Variants in NIN observed in about 807,000 individuals in gnomAD.
NIN encodes ninein, also known as glycogen synthase kinase 3 beta-interacting protein.
In NIN, 137 loss-of-function variants were observed where a neutral mutation model predicts 257.6. The ratio of observed to expected loss-of-function variants is 0.53; its 90% confidence interval spans 0.46 to 0.61. The LOEUF is 0.61. NIN is among the 20% of genes least tolerant of loss of function. The pLI, the probability that NIN is intolerant of heterozygous loss-of-function variation, is 0.00. For synonymous variants in NIN, 918 were observed against 919.8 expected (o/e 1.00, Z 0.04); for missense variants, 2,439 against 2,501.2 (o/e 0.98, Z 0.53).
rs2042032141 is a variant in NIN at position 50,756,481 on chromosome 14, A to C, written c.4538+11T>G. 6.3e-7 allele frequency: 1 copy of C among 1,580,544 alleles called. No homozygotes were observed. Among genetic ancestry groups the C allele is most frequent in the East Asian group, 2.2e-5 (1 of 44,818 alleles). ...GTGGGATTCGTGACGTCTAGAAGGTACATACATTACCTCAGAAGTTCAACT... is the reference window on the plus strand; with the variant it reads ...GTGGGATTCGTGACGTCTAGAAGGTCCATACATTACCTCAGAAGTTCAACT... On this transcript the variant is annotated intron_variant, in intron 18 of 30. Transcript: ENST00000530997.
chr14:50,730,958 T>C (rs1283131241), intron 28 of NIN: 1 of 1,347,938 alleles, frequency 7.4e-7, no homozygotes, highest in Non-Finnish European at 9.8e-7. Context: ...ACTGCACCCT[T>C]CTCTGCTACT....
At chr14:50,819,156 A>G (rs1359277952) in intron 3 of NIN, among the ~76,000 whole-genome samples, 1 of 152,260 alleles carries the variant, frequency 6.6e-6, no homozygotes, top group Non-Finnish European at 1.5e-5. Context: ...TATATTCACT[A>G]AGATTTAAAA....
chr14:50,792,652 T>C, intron 5 of NIN, 60 bp downstream of exon 5: 1 of 1,588,648 alleles, frequency 6.3e-7, no homozygotes, highest in Non-Finnish European at 8.6e-7. Flanking sequence ...GTCTCTGTGC[T>C]GCACTGACGT....
chr14:50,772,450 G>A lies in NIN; in HGVS notation c.832C>T (p.Arg278Ter), dbSNP rs2042772855. ...LSMQSFDESG[R>*]RTTTSSAMTS... Reference sequence around the variant, plus strand: ...ATTGCTGATGAGGTTGTGGTACGTCGTCCACTCTCATCGAAAGACTGGAAG... The same window carrying A: ...ATTGCTGATGAGGTTGTGGTACGTCATCCACTCTCATCGAAAGACTGGAAG... Residue 278 changes from arginine (R) to a stop codon, truncating the protein, a stop_gained, in exon 9 of 31, where the codon CGA becomes TGA. Transcript: ENST00000530997. LOFTEE classifies it high-confidence loss of function. 4 of 1,613,938 alleles carry A rather than the reference G, an allele frequency of 2.5e-6. No individual in the cohort carries two copies. Among genetic ancestry groups the A allele is most frequent in the South Asian group, 1.1e-5 (1 of 91,070 alleles).
chr14:50,731,841 A>T (rs911222867), intron 28 of NIN, among the ~76,000 whole-genome samples: 1 of 152,094 alleles, frequency 6.6e-6, no homozygotes, highest in Non-Finnish European at 1.5e-5. Flanking sequence ...AATAAATAAA[A>T]AAGATTATTC....
At chr14:50,775,897 AC>A (rs2042904972) in intron 7 of NIN, among the ~76,000 whole-genome samples, 1 of 152,188 alleles carries the variant, frequency 6.6e-6, no homozygotes, top group Non-Finnish European at 1.5e-5. Context: ...ACAAAGGTAA[AC>A]AAAGGGTATA....
Position 50,719,839 on chromosome 14 carries a change from T to C in NIN, c.*3624A>G, listed in dbSNP as rs573433133. 2.5e-5 allele frequency: 5 copies of C among 199,008 alleles called. No individual in the cohort carries two copies. The South Asian group carries it at 7.7e-4, about 30-fold the overall frequency. The allele number at this position is 199,008 out of a possible 1,614,324, so 12.3% of individuals were successfully genotyped here. A position where few individuals can be genotyped will look rare whatever the true frequency, so the allele number is the denominator to read the frequency against. On this transcript the variant is annotated 3_prime_UTR_variant, in exon 31 of 31. Coordinates refer to ENST00000530997, the MANE Select transcript of NIN (RefSeq NM_020921.4). ...AGGCATGTTTGCAAAATTATTTATT[T>C]ACATCTTAAGCTCACATTAAAATCT...
At chr14:50,772,524 G>T in intron 8 of NIN, 56 bp from the exon 9 acceptor site, 1 of 1,553,146 alleles carries the variant, frequency 6.4e-7, no homozygotes, top group Non-Finnish European at 8.9e-7. Context: ...ATTTCAACAA[G>T]ATATTGGTCA....
chr14:50,759,200 GCCTGGAATCCAGTTTATTAATAGCTTT>G (rs1187187114), intron 17 of NIN, among the ~76,000 whole-genome samples: 1 of 152,192 alleles, frequency 6.6e-6, no homozygotes, highest in Non-Finnish European at 1.5e-5. Flanking sequence ...ATGTAACCTT[GCCTGGAATCCAGTTTATTAATAGCTTT>G]TCTCAGAAAG....
chr14:50,808,404 T>A (rs2044429464), intron 3 of NIN, among the ~76,000 whole-genome samples: 1 of 152,154 alleles, frequency 6.6e-6, no homozygotes, highest in Non-Finnish European at 1.5e-5. Context: ...TTCTACAGAA[T>A]CATTCATTCT....
chr14:50,732,270 A>T (rs955244759), intron 28 of NIN, among the ~76,000 whole-genome samples: 2 of 152,138 alleles, frequency 1.3e-5, no homozygotes, highest in Admixed American at 6.5e-5. Context: ...CTGAATCCAG[A>T]GATTCTGATA....
At chr14:50,769,893 T>C (rs1302641311) in intron 12 of NIN, among the ~76,000 whole-genome samples, 1 of 148,366 alleles carries the variant, frequency 6.7e-6, no homozygotes. Flanking sequence ...TGGTAAGTTA[T>C]AACTGCACCG....
In NIN at chr14:50,758,207, C is replaced by A; in HGVS notation, c.2823G>T (p.Lys941Asn). The change falls in exon 18 of 31, where the codon AAG becomes AAT. Residue 941 changes from lysine (K) to asparagine (N), a missense_variant. Physicochemically the swap from Lys to Asn is moderately conservative, Grantham distance 94 (BLOSUM62 0). Around this residue, in one of 3 missense-constraint regions of NIN, gnomAD observed 2,043 missense variants for 2,050.2 expected, o/e 1.00. Transcript: ENST00000530997. The part of the protein sequence containing the change: ...SLLSDQILEL[K>N]SSHKRELRER... Reference sequence around the variant, plus strand: ...CCCTCAGTTCCCTTTTGTGACTGCTCTTCAGCTCAAGTATCTGGTCAGACA... The same window carrying A: ...CCCTCAGTTCCCTTTTGTGACTGCTATTCAGCTCAAGTATCTGGTCAGACA... 1.2e-6 allele frequency: 2 copies of A among 1,614,218 alleles called. No homozygotes were observed. The highest frequency in any genetic ancestry group is 1.7e-6 in the Non-Finnish European group (2 of 1,180,034).
rs1438009112 is a variant in NIN, at chr14:50,756,658, T to C, written c.4372A>G (p.Lys1458Glu). Reference protein sequence around the residue: ...QATIAELELEKTKLQELTRKL... With the variant: ...QATIAELELEETKLQELTRKL... The stretch of plus-strand genomic sequence containing the variant: ...CTAGTCAGCTCCTGTAACTTTGTTT[T>C]CTCCAGTTCTAACTCTGCTATGGTG... Residue 1458 changes from lysine (K) to glutamate (E), a missense_variant, in exon 18 of 31, where the codon AAA becomes GAA. Physicochemically the swap from Lys to Glu is moderately conservative, Grantham distance 56. Around this residue, in one of 3 missense-constraint regions of NIN, gnomAD observed 2,043 missense variants for 2,050.2 expected, o/e 1.00. Transcript: ENST00000530997. 1 of 1,552,890 alleles carries C rather than the reference T, an allele frequency of 6.4e-7. No homozygotes were observed. The highest frequency in any genetic ancestry group is 2.0e-5 in the Admixed American group (1 of 51,092).
intron 21 of NIN, among the ~76,000 whole-genome samples, chr14:50,750,410 C>A (rs1228216676): frequency 6.6e-6 from 1 of 151,788 alleles, no homozygotes; most frequent in Non-Finnish European, 1.5e-5. Context: ...GCCCCACTTG[C>A]AACTTCTTCT....
intron 3 of NIN, among the ~76,000 whole-genome samples, chr14:50,818,722 C>T (rs2045053126): frequency 6.6e-6 from 1 of 152,164 alleles, no homozygotes; most frequent in African/African-American, 2.4e-5. Flanking sequence ...AAGCTTTACG[C>T]ATTTCAAACA....
At chr14:50,745,369 C>T (rs957063090) in intron 22 of NIN, among the ~76,000 whole-genome samples, 1 of 152,192 alleles carries the variant, frequency 6.6e-6, no homozygotes, top group Non-Finnish European at 1.5e-5. Context: ...CCCCTTCACC[C>T]TATTGAAAAC....
chr14:50,805,448 GAAC>G (rs2044283032), intron 4 of NIN, among the ~76,000 whole-genome samples: 2 of 152,122 alleles, frequency 1.3e-5, no homozygotes, highest in South Asian at 4.1e-4. Flanking sequence ...TCAGAGTTAA[GAAC>G]AACATTGCTA....
chr14:50,731,338 T>C (rs1157530674), intron 28 of NIN, among the ~76,000 whole-genome samples: 1 of 151,936 alleles, frequency 6.6e-6, no homozygotes, highest in East Asian at 1.9e-4. Context: ...AAGACCAGCC[T>C]GTCCAACGTG....
Sources: allele counts gnomAD v4.1 joint callset (sites outside exome capture counted in the v4.1 genomes callset), GRCh38; gene constraint gnomAD v4.1.1; regional missense constraint gnomAD v4.1.1; transcripts MANE v1.5; gene names NCBI Gene and HGNC (gene_info 2026-07-23, HGNC 2026-07-21).